Variants in PRKG1 observed in about 807,000 individuals in gnomAD.
PRKG1 encodes the protein protein kinase cGMP-dependent 1.
In PRKG1, 35 loss-of-function variants were observed where a neutral mutation model predicts 88.1. The ratio of observed to expected loss-of-function variants is 0.40; its 90% CI spans 0.30 to 0.53. The LOEUF is 0.53. Among genes scored for constraint, PRKG1 ranks in the 20% least tolerant of loss-of-function variants. The pLI, the probability that PRKG1 is intolerant of heterozygous loss-of-function variation, is 0.59. For missense variants in PRKG1, 540 were observed against 839.8 expected (o/e 0.64, Z 4.41); for synonymous variants, 303 against 292.5 (o/e 1.04, Z -0.37).
chr10:51,238,591 T>G (rs538533175), intron 2 of PRKG1, among the ~76,000 whole-genome samples: 1 of 129,224 alleles, frequency 7.7e-6, no homozygotes, highest in South Asian at 2.4e-4. Context: ...TTAAAAAAAA[T>G]AAAAAAATAA....
At chr10:51,478,925 C>G (rs1009452136) in intron 3 of PRKG1, among the ~76,000 whole-genome samples, 1 of 151,922 alleles carries the variant, frequency 6.6e-6, no homozygotes, top group African/African-American at 2.4e-5. Flanking sequence ...ATAAAAAAAT[C>G]GACTCCCTTT....
rs955994173 is a variant in PRKG1, at chr10:52,294,067, G to A, written c.*167G>A. 2 of 546,070 alleles carry A rather than the reference G, an allele frequency of 3.7e-6. No individual in the cohort carries two copies. The highest frequency in any genetic ancestry group is 6.5e-6 in the Non-Finnish European group (2 of 309,084). The allele number at this position is 546,070 out of a possible 1,614,324, so 33.8% of individuals were successfully genotyped here. A position where few individuals can be genotyped will look rare whatever the true frequency, so the allele number is the denominator to read the frequency against. ...TGGCATTAGGACTTACCGCTTAGAT[G>A]ACAATAGTGCTCTTTACATGTTTTC... is the stretch of plus-strand genomic sequence containing the variant. On this transcript the variant is annotated 3_prime_UTR_variant, in exon 18 of 18. Transcript: ENST00000373980.
intron 1 of PRKG1, among the ~76,000 whole-genome samples, chr10:51,078,724 C>A (rs540957039): frequency 1.2e-4 from 18 of 151,990 alleles, no homozygotes; most frequent in African/African-American, 4.1e-4. Flanking sequence ...TCACACCATT[C>A]TCTTGCCTCA....
At chr10:51,094,415 G>C (rs995786737) in intron 1 of PRKG1, among the ~76,000 whole-genome samples, 1 of 151,980 alleles carries the variant, frequency 6.6e-6, no homozygotes, top group Non-Finnish European at 1.5e-5. Flanking sequence ...AATGGGTCGT[G>C]TTTGGTTTTG....
intron 3 of PRKG1, chr10:51,698,576 G>A (rs1254271090): frequency 1.9e-6 from 3 of 1,613,950 alleles, no homozygotes; most frequent in Admixed American, 3.3e-5. Flanking sequence ...TCCTCGAGGA[G>A]GCAGACCACC....
intron 3 of PRKG1, among the ~76,000 whole-genome samples, chr10:51,569,967 T>A (rs1269286966): frequency 6.6e-6 from 1 of 151,320 alleles, no homozygotes; most frequent in Non-Finnish European, 1.5e-5. Flanking sequence ...AGCATTTTGA[T>A]GTTCCTTTGA....
rs1480813948 is a variant in PRKG1 at position 51,818,967 on chromosome 10, A to G, written c.698+14277A>G. Among the ~76,000 whole-genome samples, 3 of 81,308 alleles carry G rather than the reference A, an allele frequency of 3.7e-5. 1 individual carries two copies. Among genetic ancestry groups the G allele is most frequent in the Admixed American group, 1.3e-4 (1 of 7,622 alleles). The allele number at this position is 81,308 out of a possible 152,430, so 53.3% of individuals were successfully genotyped here. ...GCTTGCAGTGAGCCGAGATCCCGCC[A>G]CTGCACTCCAGCCTGGGCGACAGAG... On this transcript the variant is annotated intron_variant, in intron 4 of 17. Transcript: ENST00000373980.
chr10:51,534,584 G>A (rs892241598), intron 3 of PRKG1, among the ~76,000 whole-genome samples: 14 of 149,410 alleles, frequency 9.4e-5, no homozygotes, highest in Non-Finnish European at 1.8e-4. Context: ...GGAGAATGGC[G>A]TGAACCCAGG....
At chr10:51,701,516 C>T (rs1841465689) in intron 3 of PRKG1, among the ~76,000 whole-genome samples, 3 of 152,092 alleles carry the variant, frequency 2.0e-5, no homozygotes, top group Non-Finnish European at 2.9e-5. Context: ...GTCAAAGAAA[C>T]GGAATAGTCA....
intron 10 of PRKG1, 34 bp downstream of exon 10, chr10:52,251,700 C>T: frequency 1.3e-6 from 2 of 1,520,022 alleles, no homozygotes; most frequent in Non-Finnish European, 1.8e-6. Flanking sequence ...TTTTGATCGC[C>T]TCTGCTTCCT....
At position 52,091,683 on chromosome 10, in the gene PRKG1, G is replaced by A. The variant is rs376586534; in HGVS notation, c.935+29052G>A. On this transcript the variant is annotated intron_variant, in intron 7 of 17. Transcript: ENST00000373980. The stretch of plus-strand genomic sequence containing the variant: ...AGTGGGTTAAACAGTCTTGGGTTGC[G>A]TCAGATTTGTTTTTATTTTGTAGAG... Among the ~76,000 whole-genome samples the A allele has an allele frequency of 4.9e-4, 75 of 152,262 alleles. No individual in the cohort carries two copies. The South Asian group carries it at 8.1e-3, about 16-fold the overall frequency.
At chr10:52,268,260 A>T (rs767830272) in intron 10 of PRKG1, among the ~76,000 whole-genome samples, 2 of 152,094 alleles carry the variant, frequency 1.3e-5, no homozygotes, top group Non-Finnish European at 2.9e-5. Flanking sequence ...TAGTTCTATA[A>T]ACTTTTTGTA....
At chr10:51,169,070 G>A (rs1215960564) in intron 2 of PRKG1, among the ~76,000 whole-genome samples, 2 of 152,054 alleles carry the variant, frequency 1.3e-5, no homozygotes, top group Non-Finnish European at 2.9e-5. Context: ...AAGGAATAAA[G>A]GAAAACAGAT....
At chr10:52,102,571 A>G (rs1010347287) in intron 7 of PRKG1, among the ~76,000 whole-genome samples, 1 of 145,068 alleles carries the variant, frequency 6.9e-6, no homozygotes, top group Non-Finnish European at 1.5e-5. Context: ...GAAAATCATG[A>G]AAGAGACTGT....
rs151235251 is a variant in PRKG1, at chr10:51,835,130, A to T, written c.698+30440A>T. Among the ~76,000 whole-genome samples the T allele has an allele frequency of 2.8e-4, 42 of 152,256 alleles. 1 individual carries two copies. In the East Asian group the frequency reaches 7.5e-3, roughly 27 times the overall value. Reference sequence around the variant, plus strand: ...TTTCAGCTCTGGGGCTGGAGAGAAGATTATGGGGCTTTGGCTTACAGAGAC... The same window carrying T: ...TTTCAGCTCTGGGGCTGGAGAGAAGTTTATGGGGCTTTGGCTTACAGAGAC... On this transcript the variant is annotated intron_variant, in intron 4 of 17. Transcript: ENST00000373980.
intron 2 of PRKG1, among the ~76,000 whole-genome samples, chr10:51,400,120 T>C (rs1837695696): frequency 6.6e-6 from 1 of 152,120 alleles, no homozygotes. Flanking sequence ...CCTAATAATT[T>C]TTTGAGTACC....
intron 3 of PRKG1, among the ~76,000 whole-genome samples, chr10:51,658,589 AT>A (rs1840219809): frequency 6.6e-6 from 1 of 151,550 alleles, no homozygotes; most frequent in Non-Finnish European, 1.5e-5. Context: ...AAAAAAAAAA[AT>A]TCATCTAAAA....
intron 7 of PRKG1, among the ~76,000 whole-genome samples, chr10:52,082,621 C>T (rs1846806404): frequency 6.6e-6 from 1 of 152,130 alleles, no homozygotes; most frequent in South Asian, 2.1e-4. Context: ...GTTTGAAGTT[C>T]TCTCTGCTGT....
chr10:51,386,324 C>T (rs1837247718), intron 2 of PRKG1, among the ~76,000 whole-genome samples: 2 of 152,084 alleles, frequency 1.3e-5, no homozygotes, highest in African/African-American at 4.8e-5. Context: ...AAGGAATTGG[C>T]TCACACAATT....
Sources: allele counts gnomAD v4.1 joint callset (sites outside exome capture counted in the v4.1 genomes callset), GRCh38; gene constraint gnomAD v4.1.1; transcripts MANE v1.5; gene names NCBI Gene and HGNC (gene_info 2026-07-23, HGNC 2026-07-21).